RPTOR: variants seen among roughly 807,000 people sequenced by gnomAD.
RPTOR encodes regulatory-associated protein of mTOR.
Under a neutral mutation model 169.9 loss-of-function variants are expected in RPTOR, and 21 were observed. That is an observed-to-expected ratio of 0.12 (90% CI 0.09 to 0.18). RPTOR has a LOEUF of 0.18. Among genes scored for constraint, RPTOR ranks in the 10% least tolerant of loss-of-function variants. The probability of loss-of-function intolerance (pLI) is 1.00; values close to 1 mark genes in which losing one functional copy is unlikely to be tolerated. For synonymous variants in RPTOR, 732 were observed against 753.2 expected, an observed-to-expected ratio of 0.97 and a Z score of 0.46; for missense variants, 1,133 against 1,855.9, an observed-to-expected ratio of 0.61 and a Z score of 7.16.
At chr17:80,711,603 A>C (rs1414761268) in intron 4 of RPTOR, among the ~76,000 whole-genome samples, 2 of 152,202 alleles carry the variant, frequency 1.3e-5, no homozygotes, top group Non-Finnish European at 2.9e-5. Context: ...AATCTAATTA[A>C]GGTCCATGCA....
intron 2 of RPTOR, among the ~76,000 whole-genome samples, chr17:80,639,178 T>C (rs2065532686): frequency 6.6e-6 from 1 of 151,700 alleles, no homozygotes; most frequent in Non-Finnish European, 1.5e-5. Context: ...ATTTTCTCAG[T>C]CAAAAATGAG....
In RPTOR at chr17:80,965,519, G is replaced by T. The variant is rs558272767; in HGVS notation, c.*1189G>T. 181 of 233,368 alleles carry T rather than the reference G, an allele frequency of 7.8e-4. No individual in the cohort carries two copies. Among genetic ancestry groups the T allele is most frequent in the South Asian group, 2.0e-3 (11 of 5,536 alleles). 14.5% of individuals were successfully genotyped at this position (233,368 alleles called of 1,614,324 possible). On this transcript the variant is annotated 3_prime_UTR_variant, in exon 34 of 34. Coordinates refer to ENST00000306801, the MANE Select transcript of RPTOR (RefSeq NM_020761.3). The stretch of plus-strand genomic sequence containing the variant: ...CAAACAGAACACAACCACAATGATG[G>T]TATTTTGAAAAGTGTTCTTTCCGTG...
At position 80,609,557 on chromosome 17, in the gene RPTOR, C is replaced by T. The variant is rs1305078741; in HGVS notation, c.163-16134C>T. 6.6e-6 allele frequency among the ~76,000 whole-genome samples: 1 copy of T among 152,046 alleles called. No individual in the cohort carries two copies. The highest frequency in any genetic ancestry group is 1.5e-5 in the Non-Finnish European group (1 of 68,018). On this transcript the variant is annotated intron_variant, in intron 1 of 33. Coordinates refer to ENST00000306801, the MANE Select transcript of RPTOR (RefSeq NM_020761.3). This position sits in a 1 kb window ranked among gnomAD's most constrained non-coding sequence, Gnocchi z 4.8. ...AGTCATAGTTCGAGACCAGCCTGGCCAACATGGTGAAACCCCATCTCTACT... is the reference window on the plus strand; with the variant it reads ...AGTCATAGTTCGAGACCAGCCTGGCTAACATGGTGAAACCCCATCTCTACT...
intron 22 of RPTOR, 24 bp downstream of exon 22, chr17:80,922,851 C>A: frequency 6.5e-7 from 1 of 1,536,760 alleles, no homozygotes; most frequent in Non-Finnish European, 8.7e-7. Context: ...GCTCAGCCTG[C>A]AGGTCCGTGG....
At chr17:80,733,964 A>G (rs2066413872) in intron 5 of RPTOR, among the ~76,000 whole-genome samples, 1 of 151,814 alleles carries the variant, frequency 6.6e-6, no homozygotes, top group Non-Finnish European at 1.5e-5. Flanking sequence ...TTTTTCTTTT[A>G]CAGCTTCTGT....
At chr17:80,893,004 A>T in intron 19 of RPTOR, 135 bp downstream of exon 19, 1 of 1,085,410 alleles carries the variant, frequency 9.2e-7, no homozygotes. Flanking sequence ...ATCTGCCAAC[A>T]TGGTGATGAG....
chr17:80,827,001 C>T (rs1214891995), intron 9 of RPTOR, among the ~76,000 whole-genome samples: 1 of 152,216 alleles, frequency 6.6e-6, no homozygotes, highest in Non-Finnish European at 1.5e-5. Context: ...CTTTAGTCAG[C>T]CGCTCGGCCC....
chr17:80,679,414 C>T (rs907735521), intron 3 of RPTOR, among the ~76,000 whole-genome samples: 3 of 152,194 alleles, frequency 2.0e-5, no homozygotes. Flanking sequence ...TTCCTCACCT[C>T]GTAGAAAAGA....
chr17:80,783,242 G>A (rs970866850), intron 6 of RPTOR, among the ~76,000 whole-genome samples: 1 of 152,202 alleles, frequency 6.6e-6, no homozygotes, highest in Non-Finnish European at 1.5e-5. Context: ...AGGAATGCCT[G>A]TGTTGACACT....
chr17:80,632,238 A>G (rs777903562), intron 2 of RPTOR, among the ~76,000 whole-genome samples: 1 of 152,188 alleles, frequency 6.6e-6, no homozygotes, highest in Non-Finnish European at 1.5e-5. Context: ...TCACAGCTGA[A>G]TGTAATCAGT....
At position 80,666,203 on chromosome 17, in the gene RPTOR, TCTTTCTCCTTGATATTATCTAAA is replaced by T. The variant is rs1462965374; in HGVS notation, c.348+22394_348+22416del. Among the ~76,000 whole-genome samples, 7 of 150,396 alleles carry T rather than the reference TCTTTCTCCTTGATATTATCTAAA, an allele frequency of 4.7e-5. No homozygotes were observed. The East Asian group carries it at 1.3e-3, about 29-fold the overall frequency. On this transcript the variant is annotated intron_variant, in intron 3 of 33. Coordinates refer to ENST00000306801, the MANE Select transcript of RPTOR (RefSeq NM_020761.3). ...AAAATAAATTATGTTTATTATCTAC[TCTTTCTCCTTGATATTATCTAAA>T]ATATTATTCTTCTCCAAAGTTGGTT...
rs2065014470 is a variant in RPTOR at position 80,581,585 on chromosome 17, A to T, written c.162+35794A>T. On this transcript the variant is annotated intron_variant, in intron 1 of 33. Coordinates refer to ENST00000306801, the MANE Select transcript of RPTOR (RefSeq NM_020761.3). Reference sequence around the variant, plus strand: ...CTATTCTCTGCAGTGGAGACCGCACATCGGGCCAGTGCATGCCTGCTATTC... The same window carrying T: ...CTATTCTCTGCAGTGGAGACCGCACTTCGGGCCAGTGCATGCCTGCTATTC... 4.1e-5 allele frequency among the ~76,000 whole-genome samples: 6 copies of T among 146,304 alleles called. No individual in the cohort carries two copies. The South Asian group carries it at 1.3e-3, about 32-fold the overall frequency.
chr17:80,685,627 A>ATATTTTTTTTTTTTTTT, intron 3 of RPTOR, among the ~76,000 whole-genome samples: 1 of 30,686 alleles, frequency 3.3e-5, no homozygotes, highest in East Asian at 1.2e-3. Context: ...ATATATATAT[A>ATATTTTTTTTTTTTTTT]TTTTTTTTTT....
chr17:80,569,919 G>A (rs566939409), intron 1 of RPTOR, among the ~76,000 whole-genome samples: 5 of 152,188 alleles, frequency 3.3e-5, no homozygotes, highest in Admixed American at 1.3e-4. Flanking sequence ...ACCCTGCTCC[G>A]CTTCTCCTGC....
rs541903833 is a variant in RPTOR at position 80,753,129 on chromosome 17, A to G, written c.655-881A>G. Among the ~76,000 whole-genome samples, 7 of 152,290 alleles carry G rather than the reference A, an allele frequency of 4.6e-5. No homozygotes were observed. The East Asian group carries it at 1.3e-3, about 29-fold the overall frequency. ...GAACATTTAGAGAAATCCGATGAAG[A>G]TGGGAGGAGATAAAATCCCCCTAAT... On this transcript the variant is annotated intron_variant, in intron 5 of 33. Coordinates refer to ENST00000306801, the MANE Select transcript of RPTOR (RefSeq NM_020761.3).
At chr17:80,690,367 A>T (rs979955018) in intron 3 of RPTOR, among the ~76,000 whole-genome samples, 10 of 151,138 alleles carry the variant, frequency 6.6e-5, no homozygotes, top group African/African-American at 2.4e-4. Context: ...TGTTTGTTTG[A>T]ATCAGGATGC....
chr17:80,945,409 G>A (rs557319918), intron 25 of RPTOR, among the ~76,000 whole-genome samples: 7 of 152,128 alleles, frequency 4.6e-5, no homozygotes, highest in South Asian at 4.2e-4. Flanking sequence ...TGTCTAACAC[G>A]GTGAAACCCC....
chr17:80,883,369 TGA>T, intron 14 of RPTOR, 48 bp from the exon 15 acceptor site: 2 of 1,528,246 alleles, frequency 1.3e-6, no homozygotes, highest in Non-Finnish European at 1.8e-6. Flanking sequence ...ACTTTGGGAA[TGA>T]GAGTTTCCAC....
chr17:80,872,310 C>T (rs936796906), intron 13 of RPTOR, among the ~76,000 whole-genome samples: 31 of 152,314 alleles, frequency 2.0e-4, no homozygotes, highest in Middle Eastern at 3.4e-3. Flanking sequence ...AGCCATCCTC[C>T]TAGTTCCATG....
Sources: gnomAD v4.1 joint callset for allele counts (sites outside exome capture counted in the v4.1 genomes callset) on GRCh38, gnomAD v4.1.1 for gene constraint, Gnocchi (gnomAD v3.1) non-coding constraint, MANE v1.5 for transcripts, NCBI Gene and HGNC (gene_info 2026-07-23, HGNC 2026-07-21) for gene names.